The following AFF3 variants were observed in gnomAD, a reference collection of about 807,000 sequenced individuals.
AFF3 encodes the protein ALF transcription elongation factor 3.
Under a neutral mutation model 129.7 loss-of-function variants are expected in AFF3, and 32 were observed. That is an observed-to-expected ratio of 0.25 (90% CI 0.19 to 0.33). AFF3 has a LOEUF of 0.33. Among genes scored for constraint, AFF3 ranks in the 10% least tolerant of loss-of-function variants. The probability of loss-of-function intolerance (pLI) is 1.00; values close to 1 mark genes in which losing one functional copy is unlikely to be tolerated. For synonymous variants in AFF3, 644 were observed against 635.4 expected, an observed-to-expected ratio of 1.01 and a Z score of -0.20; for missense variants, 1,373 against 1,592.0, an observed-to-expected ratio of 0.86 and a Z score of 2.34.
At chr2:99,774,560 C>T (rs1683742712) in intron 8 of AFF3, among the ~76,000 whole-genome samples, 1 of 152,020 alleles carries the variant, frequency 6.6e-6, no homozygotes, top group Non-Finnish European at 1.5e-5. Context: ...TGAAACTGGA[C>T]CCCTTCCTTA....
chr2:99,665,381 A>G (rs1558719357), intron 12 of AFF3, among the ~76,000 whole-genome samples: 1 of 152,238 alleles, frequency 6.6e-6, no homozygotes, highest in Admixed American at 6.5e-5. Context: ...CTGAGTTTAT[A>G]GGACTTAGAG....
intron 13 of AFF3, among the ~76,000 whole-genome samples, chr2:99,649,171 C>T (rs1207515000): frequency 2.0e-5 from 3 of 151,994 alleles, no homozygotes; most frequent in South Asian, 2.1e-4. Context: ...AAGTCAAGCA[C>T]GTGGGACCGT....
intron 2 of AFF3, among the ~76,000 whole-genome samples, chr2:100,120,063 C>T (rs1477761897): frequency 1.3e-5 from 2 of 152,190 alleles, no homozygotes; most frequent in African/African-American, 4.8e-5. Context: ...AAAGGGATAT[C>T]ATCTAGTCAC....
At chr2:99,952,579 G>C (rs1353425459) in intron 7 of AFF3, among the ~76,000 whole-genome samples, 1 of 152,068 alleles carries the variant, frequency 6.6e-6, no homozygotes, top group Admixed American at 6.5e-5. Context: ...TGCCAGTCCT[G>C]TGTGTTATTA....
intron 8 of AFF3, among the ~76,000 whole-genome samples, chr2:99,761,185 C>CTTTT (rs113789471): frequency 2.5e-4 from 34 of 138,342 alleles, no homozygotes; most frequent in African/African-American, 7.9e-4. Flanking sequence ...CAGGTGACTT[C>CTTTT]TTTTTTTTTT....
intron 11 of AFF3, among the ~76,000 whole-genome samples, chr2:99,716,581 A>ACT (rs1678405713): frequency 6.8e-6 from 1 of 147,436 alleles, no homozygotes; most frequent in Non-Finnish European, 1.5e-5. Flanking sequence ...CTGTCACATA[A>ACT]CTATATATAT....
At chr2:99,951,749 C>A (rs13416574) in intron 7 of AFF3, among the ~76,000 whole-genome samples, 28,294 of 152,028 alleles carry the variant, frequency 0.19, 3,403 homozygotes, top group African/African-American at 0.33. Context: ...AGGTTCAAGC[C>A]ATTCTCCTGC....
intron 8 of AFF3, among the ~76,000 whole-genome samples, chr2:99,814,156 A>G (rs764010541): frequency 6.6e-6 from 1 of 152,058 alleles, no homozygotes; most frequent in Admixed American, 6.6e-5. Context: ...TTCCTCCCCT[A>G]TCTGTAGTGG....
intron 13 of AFF3, among the ~76,000 whole-genome samples, chr2:99,638,721 C>T (rs1360117534): frequency 1.3e-5 from 2 of 152,208 alleles, no homozygotes. Context: ...CTGGAAGAAC[C>T]TGGGAAACTG....
chr2:99,787,571 T>A (rs970333734), intron 8 of AFF3, among the ~76,000 whole-genome samples: 1 of 152,170 alleles, frequency 6.6e-6, no homozygotes, highest in African/African-American at 2.4e-5. Context: ...AAACAAATCA[T>A]TTAGTCACTT....
intron 7 of AFF3, among the ~76,000 whole-genome samples, chr2:99,980,419 T>G (rs998133198): frequency 2.0e-5 from 3 of 152,212 alleles, no homozygotes; most frequent in African/African-American, 7.2e-5. Flanking sequence ...CAGAAACAAC[T>G]GTGCTGGAGG....
chr2:99,840,981 G>C (rs552064105), intron 7 of AFF3, among the ~76,000 whole-genome samples: 1 of 152,254 alleles, frequency 6.6e-6, no homozygotes, highest in Non-Finnish European at 1.5e-5. Flanking sequence ...TGCTGGCAGG[G>C]CAAATGCTGA....
At chr2:100,082,207 C>G (rs1418001697) in intron 4 of AFF3, among the ~76,000 whole-genome samples, 1 of 152,024 alleles carries the variant, frequency 6.6e-6, no homozygotes, top group Non-Finnish European at 1.5e-5. Flanking sequence ...TAAACAATGT[C>G]AGGAAAAAGT....
At chr2:99,974,531 C>A (rs1263301829) in intron 7 of AFF3, among the ~76,000 whole-genome samples, 1 of 152,188 alleles carries the variant, frequency 6.6e-6, no homozygotes, top group African/African-American at 2.4e-5. Context: ...GTAATCGCTG[C>A]AGTGATGCAC....
Position 100,132,189 on chromosome 2 carries a change from A to G in AFF3, c.-227-2883T>C, listed in dbSNP as rs148280188. Reference sequence around the variant, plus strand: ...TCGTACAGCATGGTGACTATACTTAAGAACAATGTGTTATATGCTTGAAAA... The same window carrying G: ...TCGTACAGCATGGTGACTATACTTAGGAACAATGTGTTATATGCTTGAAAA... On this transcript the variant is annotated intron_variant, in intron 1 of 24. Coordinates refer to ENST00000672756, the MANE Select transcript of AFF3 (RefSeq NM_001386135.1). Among the ~76,000 whole-genome samples, 698 of 152,362 alleles carry G rather than the reference A, an allele frequency of 4.6e-3. 9 individuals are homozygous for G. Among genetic ancestry groups the G allele is most frequent in the African/African-American group, 0.016 (669 of 41,586 alleles).
At chr2:99,675,393 G>A (rs540620606) in intron 11 of AFF3, among the ~76,000 whole-genome samples, 11 of 152,246 alleles carry the variant, frequency 7.2e-5, no homozygotes, top group South Asian at 2.1e-4. Flanking sequence ...TGGGAGAGAC[G>A]ACCACGGCCA....
chr2:99,991,420 A>C (rs892524098), intron 7 of AFF3, among the ~76,000 whole-genome samples: 1 of 152,180 alleles, frequency 6.6e-6, no homozygotes, highest in Non-Finnish European at 1.5e-5. Flanking sequence ...CCTCTCGATA[A>C]AACAGCAGAT....
At chr2:99,840,943 A>C (rs1286243094) in intron 7 of AFF3, among the ~76,000 whole-genome samples, 2 of 152,222 alleles carry the variant, frequency 1.3e-5, no homozygotes, top group African/African-American at 4.8e-5. Flanking sequence ...CCTACTTCTA[A>C]GTCCCAACCA....
intron 4 of AFF3, among the ~76,000 whole-genome samples, chr2:100,083,347 C>A (rs927094468): frequency 1.1e-4 from 16 of 152,168 alleles, no homozygotes; most frequent in Non-Finnish European, 2.4e-4. Flanking sequence ...CCTACAGGCC[C>A]TGAGGTTTTC....
Sources: allele counts gnomAD v4.1 joint callset (sites outside exome capture counted in the v4.1 genomes callset), GRCh38; gene constraint gnomAD v4.1.1; transcripts MANE v1.5; gene names NCBI Gene and HGNC (gene_info 2026-07-23, HGNC 2026-07-21).